GNPDA1: variants seen among roughly 807,000 people sequenced by gnomAD.
GNPDA1 encodes GNPDA 1.
A neutral mutation model predicts 28.5 loss-of-function variants in GNPDA1; 24 were observed. The ratio of observed to expected loss-of-function variants is 0.84; its 90% CI spans 0.61 to 1.19. The LOEUF (loss-of-function observed/expected upper bound fraction) is 1.19. GNPDA1 is among the 50% of genes most tolerant of loss of function. The pLI is 0.00. For synonymous variants in GNPDA1, 147 were observed against 139.3 expected (o/e 1.06, Z -0.39); for missense variants, 264 against 367.3 (o/e 0.72, Z 2.30).
At chr5:142,006,467 A>C (rs1596736187) in intron 3 of GNPDA1, 141 bp from the exon 4 acceptor site, 38 of 604,680 alleles carry the variant, frequency 6.3e-5, no homozygotes. Context: ...CAGCCCTCTG[A>C]CCCCTAGCCA....
In GNPDA1 at chr5:142,007,782, G is replaced by C. The variant is rs182334982; in HGVS notation, c.226+17C>G. 1.6e-5 allele frequency: 23 copies of C among 1,450,036 alleles called. No individual in the cohort carries two copies. The African/African-American group carries it at 1.8e-4, about 11-fold the overall frequency. The allele number at this position is 1,450,036 out of a possible 1,614,324, so 89.8% of individuals were successfully genotyped here. On this transcript the variant is annotated intron_variant, in intron 3 of 6. Coordinates refer to ENST00000311337, the MANE Select transcript of GNPDA1 (RefSeq NM_005471.5). ...TCTCCTAGAATCAGGAAAGAACCTT[G>C]AAAGAGAAAGACTCACCCACGTACT...
chr5:142,006,078 T>G, intron 4 of GNPDA1, 66 bp downstream of exon 4: 1 of 1,324,202 alleles, frequency 7.6e-7, no homozygotes, highest in Non-Finnish European at 1.1e-6. Context: ...CAGACAGGCA[T>G]TGTGTCTTGT....
intron 2 of GNPDA1, among the ~76,000 whole-genome samples, chr5:142,010,592 C>T (rs560347055): frequency 1.3e-5 from 2 of 150,894 alleles, no homozygotes; most frequent in Middle Eastern, 3.4e-3. Context: ...TTCACTGCCT[C>T]GACCTCCTGG....
chr5:142,005,677 T>C (rs1755785076), intron 4 of GNPDA1, among the ~76,000 whole-genome samples: 1 of 152,088 alleles, frequency 6.6e-6, no homozygotes, highest in African/African-American at 2.4e-5. Context: ...GAGGTGGCGA[T>C]AGATGGATAC....
At chr5:142,007,991 G>GTTCTCCCTGT in intron 2 of GNPDA1, 91 bp from the exon 3 acceptor site, 1 of 734,662 alleles carries the variant, frequency 1.4e-6, no homozygotes, top group Non-Finnish European at 2.5e-6. Context: ...CTGCTCACAG[G>GTTCTCCCTGT]GAGAACCTGT....
At position 142,007,885 on chromosome 5, in the gene GNPDA1, C is replaced by G. The variant is rs756252170; in HGVS notation, c.140G>C (p.Gly47Ala). Residue 47 changes from glycine (G) to alanine (A), a missense_variant, in exon 3 of 7, where the codon GGC (glycine) becomes GCC (alanine). Coordinates refer to ENST00000311337, the MANE Select transcript of GNPDA1 (RefSeq NM_005471.5). ...GTATTCAATCAGCTTCTTGTAGCAG[C>G]CAAGTGGGGTACTCCCTGCAAGAGT... The part of the protein sequence containing the change: ...LGLPTGSTPL[G>A]CYKKLIEYYK... 2 of 1,609,176 alleles carry G rather than the reference C, an allele frequency of 1.2e-6. No homozygotes were observed. The highest frequency in any genetic ancestry group is 1.7e-6 in the Non-Finnish European group (2 of 1,175,632).
intron 6 of GNPDA1, among the ~76,000 whole-genome samples, chr5:142,002,683 G>A (rs1033643739): frequency 9.9e-5 from 15 of 152,166 alleles, no homozygotes; most frequent in African/African-American, 3.6e-4. Flanking sequence ...AAGCCCGGGA[G>A]GTGGAGGTTG....
At chr5:142,011,727 C>T in intron 2 of GNPDA1, 185 bp downstream of exon 2, 3 of 554,238 alleles carry the variant, frequency 5.4e-6, no homozygotes, top group South Asian at 4.9e-5. Flanking sequence ...GGACAGGCAG[C>T]GACTAAACCA....
intron 2 of GNPDA1, among the ~76,000 whole-genome samples, chr5:142,008,584 G>A (rs1348220616): frequency 6.6e-6 from 1 of 152,146 alleles, no homozygotes; most frequent in African/African-American, 2.4e-5. Context: ...CAAAGTAGCT[G>A]GGCATGGTGG....
At chr5:142,007,329 T>C (rs1755832603) in intron 3 of GNPDA1, among the ~76,000 whole-genome samples, 2 of 151,990 alleles carry the variant, frequency 1.3e-5, no homozygotes, top group Non-Finnish European at 2.9e-5. Context: ...GACCAAGGTA[T>C]AGTCTTTCAG....
intron 2 of GNPDA1, among the ~76,000 whole-genome samples, chr5:142,011,122 G>A (rs1192589118): frequency 6.6e-6 from 1 of 151,730 alleles, no homozygotes; most frequent in African/African-American, 2.4e-5. Flanking sequence ...AATTATAGCT[G>A]CTTTCAAACA....
Position 142,001,310 on chromosome 5 carries a change from C to T in GNPDA1, c.*719G>A, listed in dbSNP as rs777987754. On this transcript the variant is annotated 3_prime_UTR_variant, in exon 7 of 7. Transcript: ENST00000311337. ...ACACAGGGCTCTGGGGGAAAAACGG[C>T]TTCCACCTTCTGCCTTTTGGTGCTG... The T allele has an allele frequency of 1.3e-5, 2 of 152,324 alleles. No individual in the cohort carries two copies. The highest frequency in any genetic ancestry group is 2.9e-5 in the Non-Finnish European group (2 of 68,072). The allele number at this position is 152,324 out of a possible 1,614,324, so 9.4% of individuals were successfully genotyped here.
Position 142,006,621 on chromosome 5 carries a change from T to A in GNPDA1, c.227-295A>T, listed in dbSNP as rs967992650. On this transcript the variant is annotated intron_variant, in intron 3 of 6. Coordinates refer to ENST00000311337, the MANE Select transcript of GNPDA1 (RefSeq NM_005471.5). ...ATCTGATCTGCTTTTCATAAGGCAA[T>A]GACCATAGGTTAGAGGCTGGGGACA... Among the ~76,000 whole-genome samples the A allele has an allele frequency of 9.2e-5, 14 of 152,130 alleles. 1 individual carries two copies. The highest frequency in any genetic ancestry group is 3.9e-4 in the Admixed American group (6 of 15,278).
intron 4 of GNPDA1, 99 bp from the exon 5 acceptor site, chr5:142,005,215 C>T (rs1410169044): frequency 1.7e-5 from 16 of 929,730 alleles, no homozygotes; most frequent in Admixed American, 7.6e-5. Context: ...GAAGAAAAAT[C>T]ATTGAAAGCT....
intron 3 of GNPDA1, among the ~76,000 whole-genome samples, chr5:142,007,325 G>C (rs1452685164): frequency 2.0e-5 from 3 of 152,052 alleles, no homozygotes; most frequent in Non-Finnish European, 4.4e-5. Flanking sequence ...AGAAGACCAA[G>C]GTATAGTCTT....
Position 142,003,099 on chromosome 5 carries a change from T to C in GNPDA1, c.758A>G (p.Lys253Arg), listed in dbSNP as rs750605488. ...CACACCTCCCTCACCTTTGAAATAC[T>C]TGACAGTCTTCACTTTCAGCTCCAA... The part of the protein sequence containing the change: ...ATLELKVKTV[K>R]YFKGLMLVHN... Residue 253 changes from lysine (K) to arginine (R), a missense_variant, in exon 6 of 7, where the codon AAG (lysine) becomes AGG (arginine). Coordinates refer to ENST00000311337, the MANE Select transcript of GNPDA1 (RefSeq NM_005471.5). The surrounding 1 kb of genome is among the most constrained non-coding windows in gnomAD (Gnocchi z 4.0). 3.7e-6 allele frequency: 6 copies of C among 1,612,928 alleles called. No individual in the cohort carries two copies. In the South Asian group the frequency reaches 4.4e-5, roughly 12 times the overall value.
At chr5:142,010,514 T>TTTC (rs1755920435) in intron 2 of GNPDA1, among the ~76,000 whole-genome samples, 1 of 145,932 alleles carries the variant, frequency 6.9e-6, no homozygotes, top group African/African-American at 2.5e-5. Flanking sequence ...TTTCTTTCTT[T>TTTC]TTTTTTTTTT....
rs1264536183 is a variant in GNPDA1, at chr5:142,009,059, A to T, written c.125-1159T>A. ...ATTTTCATGTGGTTCAGAAAAAAAA[A>T]GTGTGTGTGTGTGTAGATAAAGAAC... On this transcript the variant is annotated intron_variant, in intron 2 of 6. Coordinates refer to ENST00000311337, the MANE Select transcript of GNPDA1 (RefSeq NM_005471.5). 2.6e-5 allele frequency among the ~76,000 whole-genome samples: 4 copies of T among 151,864 alleles called. No individual in the cohort carries two copies. The South Asian group carries it at 8.3e-4, about 31-fold the overall frequency.
Position 142,003,219 on chromosome 5 carries a change from T to C in GNPDA1, c.638A>G (p.Tyr213Cys). 1 of 1,613,770 alleles carries C rather than the reference T, an allele frequency of 6.2e-7. No homozygotes were observed. Among genetic ancestry groups the C allele is most frequent in the Non-Finnish European group, 8.5e-7 (1 of 1,179,758 alleles). Reference sequence around the variant, plus strand: ...GTTCACTCCCTCCTCGATGGCCTTGTACAGAGCAAATGCCTTGTGAGCACC... The same window carrying C: ...GTTCACTCCCTCCTCGATGGCCTTGCACAGAGCAAATGCCTTGTGAGCACC... ...ITGAHKAFAL[Y>C]KAIEEGVNHM... Residue 213 changes from tyrosine (Y) to cysteine (C), a missense_variant, in exon 6 of 7, where the codon TAC becomes TGC. By Grantham distance (194) the Tyr-to-Cys change is radical. Coordinates refer to ENST00000311337, the MANE Select transcript of GNPDA1 (RefSeq NM_005471.5). The surrounding 1 kb of genome is among the most constrained non-coding windows in gnomAD (Gnocchi z 4.0).
Sources: gnomAD v4.1 joint callset for allele counts (sites outside exome capture counted in the v4.1 genomes callset) on GRCh38, gnomAD v4.1.1 for gene constraint, Gnocchi (gnomAD v3.1) non-coding constraint, MANE v1.5 for transcripts, NCBI Gene and HGNC (gene_info 2026-07-23, HGNC 2026-07-21) for gene names.